The following MYBL1 variants were observed in gnomAD, a reference collection of about 807,000 sequenced individuals.
The protein encoded by MYBL1 is myb-related protein A.
In MYBL1, 17 loss-of-function variants were observed where a neutral mutation model predicts 96.3. The observed-to-expected ratio is 0.18, with a 90% CI of 0.12 to 0.26. The LOEUF (loss-of-function observed/expected upper bound fraction) is 0.26. MYBL1 is among the 10% of genes least tolerant of loss of function. MYBL1 has a pLI of 1.00. For synonymous variants in MYBL1, 282 were observed against 292.7 expected (o/e 0.96, Z 0.37); for missense variants, 701 against 882.9 (o/e 0.79, Z 2.61).
chr8:66,570,406 C>A (rs1808681879), intron 12 of MYBL1, among the ~76,000 whole-genome samples: 1 of 151,612 alleles, frequency 6.6e-6, no homozygotes, highest in South Asian at 2.1e-4. Flanking sequence ...ACTTCCCAGG[C>A]TCAAACAAAC....
At chr8:66,597,861 A>C (rs1461410581) in intron 4 of MYBL1, among the ~76,000 whole-genome samples, 1 of 150,516 alleles carries the variant, frequency 6.6e-6, no homozygotes, top group Non-Finnish European at 1.5e-5. Flanking sequence ...AAAAAAAAAA[A>C]AAAAAAAAAA....
chr8:66,605,950 A>C (rs1464134882), intron 1 of MYBL1, among the ~76,000 whole-genome samples: 1 of 152,202 alleles, frequency 6.6e-6, no homozygotes, highest in East Asian at 1.9e-4. Context: ...TTTCTCTTAA[A>C]GCCTCACAAC....
intron 10 of MYBL1, 71 bp from the exon 11 acceptor site, chr8:66,573,577 A>C: frequency 1.6e-6 from 2 of 1,276,044 alleles, no homozygotes; most frequent in African/African-American, 1.5e-5. Context: ...TAAACTGATA[A>C]GATTTTCAAA....
chr8:66,571,602 C>T (rs866927079), intron 12 of MYBL1, among the ~76,000 whole-genome samples: 7 of 152,162 alleles, frequency 4.6e-5, no homozygotes, highest in Admixed American at 2.0e-4. Context: ...AGTGTTCCGA[C>T]AGGGCGCAGT....
chr8:66,566,101 T>A lies in MYBL1; in HGVS notation c.2093A>T (p.Asn698Ile). 1 of 1,541,810 alleles carries A rather than the reference T, an allele frequency of 6.5e-7. No homozygotes were observed. Among genetic ancestry groups the A allele is most frequent in the Non-Finnish European group, 8.8e-7 (1 of 1,140,964 alleles). Residue 698 changes from asparagine (N) to isoleucine (I), a missense_variant, in exon 15 of 16, where the codon AAC (asparagine) becomes ATC (isoleucine). Around this residue, in one of 5 missense-constraint regions of MYBL1, gnomAD observed 137 missense variants for 137.5 expected, o/e 1.00. Coordinates refer to ENST00000522677, the MANE Select transcript of MYBL1 (RefSeq NM_001080416.4). ...YTLTKKKPNP[N>I]TSKVVKLEKN... The stretch of plus-strand genomic sequence containing the variant: ...TTCCAATTTGACAACTTTGGAAGTG[T>A]TAGGGTTTGGTTTCTTTTTAGTAAG...
At chr8:66,565,954 A>T in intron 15 of MYBL1, 110 bp downstream of exon 15, 1 of 789,684 alleles carries the variant, frequency 1.3e-6, no homozygotes, top group Non-Finnish European at 2.0e-6. Flanking sequence ...AGTTACTGTT[A>T]CAATCAATTT....
Position 66,563,959 on chromosome 8 carries a change from T to C in MYBL1, c.*738A>G, listed in dbSNP as rs1808407292. ...AATATCTACATTTAAGCTTTAAAAA[T>C]AAAAATAAATTATAAAAACAGACTT... On this transcript the variant is annotated 3_prime_UTR_variant, in exon 16 of 16. Transcript: ENST00000522677. 6.6e-6 allele frequency: 1 copy of C among 152,358 alleles called. No homozygotes were observed. The allele number at this position is 152,358 out of a possible 1,614,324, so 9.4% of individuals were successfully genotyped here. A position where few individuals can be genotyped will look rare whatever the true frequency, so the allele number is the denominator to read the frequency against.
intron 8 of MYBL1, among the ~76,000 whole-genome samples, chr8:66,588,336 C>T (rs908319949): frequency 6.8e-6 from 1 of 148,022 alleles, no homozygotes; most frequent in Non-Finnish European, 1.5e-5. Context: ...CTGGAATGCA[C>T]TAGCCCGATC....
intron 8 of MYBL1, among the ~76,000 whole-genome samples, chr8:66,581,358 C>T (rs1809204087): frequency 6.6e-6 from 1 of 152,172 alleles, no homozygotes; most frequent in South Asian, 2.1e-4. Context: ...TACAAATTGT[C>T]AAAATTCAAA....
chr8:66,566,936 A>G lies in MYBL1; in HGVS notation c.1785T>C (p.Thr595=), dbSNP rs761325185. The G allele has an allele frequency of 6.2e-7, 1 of 1,613,330 alleles. No individual in the cohort carries two copies. The highest frequency in any genetic ancestry group is 2.2e-5 in the East Asian group (1 of 44,794). ...EDIREVLKEE[T]GTDLFLKEED... ...CCTCTTTGAGGAATAGGTCTGTTCC[A>G]GTTTCTTCTTTTAAAACTTCCCGAA... The change falls in exon 13 of 16, where the codon ACT becomes ACC. Residue 595 remains threonine (T), a synonymous_variant. Coordinates refer to ENST00000522677, the MANE Select transcript of MYBL1 (RefSeq NM_001080416.4).
At chr8:66,587,701 C>T (rs971443882) in intron 8 of MYBL1, among the ~76,000 whole-genome samples, 1 of 152,126 alleles carries the variant, frequency 6.6e-6, no homozygotes, top group African/African-American at 2.4e-5. Context: ...GAGGGAACTC[C>T]AAACTTTCTG....
At chr8:66,584,960 T>C (rs1285987778) in intron 8 of MYBL1, among the ~76,000 whole-genome samples, 1 of 152,160 alleles carries the variant, frequency 6.6e-6, no homozygotes, top group Non-Finnish European at 1.5e-5. Flanking sequence ...ATGACCATAT[T>C]ACCAAAAGTA....
At chr8:66,578,067 A>G (rs919359455) in intron 9 of MYBL1, among the ~76,000 whole-genome samples, 1 of 152,160 alleles carries the variant, frequency 6.6e-6, no homozygotes, top group Non-Finnish European at 1.5e-5. Context: ...TACACCTTAT[A>G]CAAAAATTAA....
At chr8:66,605,829 G>A (rs1174734514) in intron 1 of MYBL1, among the ~76,000 whole-genome samples, 1 of 152,008 alleles carries the variant, frequency 6.6e-6, no homozygotes, top group Non-Finnish European at 1.5e-5. Flanking sequence ...AAATAAATAA[G>A]TAAACTGAAT....
chr8:66,586,244 C>T (rs1208098915), intron 8 of MYBL1, among the ~76,000 whole-genome samples: 1 of 151,852 alleles, frequency 6.6e-6, no homozygotes, highest in African/African-American at 2.4e-5. Flanking sequence ...TGGGGTTTCA[C>T]CATGTTGCCC....
Position 66,599,033 on chromosome 8 carries a change from G to C in MYBL1, c.291+17C>G. ...AGTCTACCTACATAGTGAATATAAA[G>C]AATATGAACACATTACCCTCTGATC... On this transcript the variant is annotated intron_variant, in intron 4 of 15. Transcript: ENST00000522677. 6.6e-7 allele frequency: 1 copy of C among 1,516,334 alleles called. No individual in the cohort carries two copies. The allele number at this position is 1,516,334 out of a possible 1,614,324, so 93.9% of individuals were successfully genotyped here.
chr8:66,605,324 G>A (rs894705508), intron 1 of MYBL1, among the ~76,000 whole-genome samples: 5 of 152,094 alleles, frequency 3.3e-5, no homozygotes, highest in Non-Finnish European at 7.4e-5. Flanking sequence ...ATGAGCATGT[G>A]GACCTGCTCA....
rs1429210106 is a variant in MYBL1 at position 66,597,310 on chromosome 8, A to C, written c.512+20T>G. 6.7e-7 allele frequency: 1 copy of C among 1,491,790 alleles called. No homozygotes were observed. The highest frequency in any genetic ancestry group is 9.0e-7 in the Non-Finnish European group (1 of 1,106,578). The allele number at this position is 1,491,790 out of a possible 1,614,324, so 92.4% of individuals were successfully genotyped here. A position where few individuals can be genotyped will look rare whatever the true frequency, so the allele number is the denominator to read the frequency against. On this transcript the variant is annotated intron_variant, in intron 5 of 15. Coordinates refer to ENST00000522677, the MANE Select transcript of MYBL1 (RefSeq NM_001080416.4). ...GTCATGTTTAAGTACAGAAAAATATATATACATTTATATAAGCACCTTCCT... is the reference window on the plus strand; with the variant it reads ...GTCATGTTTAAGTACAGAAAAATATCTATACATTTATATAAGCACCTTCCT...
Position 66,613,182 on chromosome 8 carries a change from C to G in MYBL1, c.-344G>C. On this transcript the variant is annotated 5_prime_UTR_variant, in exon 1 of 16. Coordinates refer to ENST00000522677, the MANE Select transcript of MYBL1 (RefSeq NM_001080416.4). Reference sequence around the variant, plus strand: ...CCAGCCCGGCTCCGCCACAGGCGCCCGACCCCTGCCCTCTCCCCCGCAGCT... The same window carrying G: ...CCAGCCCGGCTCCGCCACAGGCGCCGGACCCCTGCCCTCTCCCCCGCAGCT... 1 of 400,980 alleles carries G rather than the reference C, an allele frequency of 2.5e-6. No homozygotes were observed. The highest frequency in any genetic ancestry group is 4.4e-6 in the Non-Finnish European group (1 of 226,666). The allele number at this position is 400,980 out of a possible 1,614,324, so 24.8% of individuals were successfully genotyped here. A position where few individuals can be genotyped will look rare whatever the true frequency, so the allele number is the denominator to read the frequency against.
Sources: gnomAD v4.1 joint callset for allele counts (sites outside exome capture counted in the v4.1 genomes callset) on GRCh38, gnomAD v4.1.1 for gene constraint, gnomAD v4.1.1 regional missense constraint, MANE v1.5 for transcripts, NCBI Gene and HGNC (gene_info 2026-07-23, HGNC 2026-07-21) for gene names.